PPIP5K1: variants seen among roughly 807,000 people sequenced by gnomAD.
The protein encoded by PPIP5K1 is inositol hexakisphosphate and diphosphoinositol-pentakisphosphate kinase 1.
PPIP5K1 carries 6 observed loss-of-function variants against 27.7 expected under a neutral mutation model. That is an observed-to-expected ratio of 0.22 (90% confidence interval 0.12 to 0.43). PPIP5K1 has a LOEUF of 0.43. Among genes scored for constraint, PPIP5K1 ranks in the 20% least tolerant of loss-of-function variants. The pLI is 1.00. For synonymous variants in PPIP5K1, 145 were observed against 242.6 expected (o/e 0.60, Z 3.74); for missense variants, 394 against 635.4 (o/e 0.62, Z 4.08).
intron 31 of PPIP5K1, among the ~76,000 whole-genome samples, chr15:43,536,560 A>G (rs188453917): frequency 4.7e-4 from 71 of 152,330 alleles, no homozygotes; most frequent in African/African-American, 1.7e-3. Flanking sequence ...AAATCTATAT[A>G]AGAATATTCA....
chr15:43,535,116 T>C lies in PPIP5K1; in HGVS notation c.4031A>G (p.Gln1344Arg). ...QPCQKVPDIS[Q>R]QCQENHDNGN... The stretch of plus-strand genomic sequence containing the variant: ...ATTGTCATGGTTCTCCTGGCATTGC[T>C]GGCTGATGTCAGGGACCTTCTGACA... Residue 1344 changes from glutamine (Q) to arginine (R), a missense_variant, in exon 32 of 32, where the codon CAG becomes CGG. Gln to Arg is a conservative substitution (Grantham distance 43, BLOSUM62 1). Transcript: ENST00000420765. 6 of 1,613,624 alleles carry C rather than the reference T, an allele frequency of 3.7e-6. No individual in the cohort carries two copies. Among genetic ancestry groups the C allele is most frequent in the Non-Finnish European group, 5.1e-6 (6 of 1,179,858 alleles).
chr15:43,581,821 G>T, intron 8 of PPIP5K1, 32 bp downstream of exon 8: 1 of 133,474 alleles, frequency 7.5e-6, no homozygotes. Flanking sequence ...CCACACATTT[G>T]TAACCTCTTA....
intron 29 of PPIP5K1, 81 bp from the exon 30 acceptor site, chr15:43,559,013 T>C (rs1300965852): frequency 7.0e-6 from 11 of 1,563,724 alleles, no homozygotes; most frequent in African/African-American, 1.3e-5. Context: ...GGAGAGTCCC[T>C]GAGAGCCATC....
intron 31 of PPIP5K1, 106 bp downstream of exon 31, chr15:43,539,364 G>A (rs1455123876): frequency 1.2e-6 from 1 of 813,270 alleles, no homozygotes; most frequent in African/African-American, 1.7e-5. Context: ...GATATTCCTG[G>A]TCTTTCAAGC....
At chr15:43,542,974 A>G (rs1040334742) in intron 30 of PPIP5K1, among the ~76,000 whole-genome samples, 3 of 151,960 alleles carry the variant, frequency 2.0e-5, no homozygotes, top group Non-Finnish European at 4.4e-5. Context: ...AATCAACTAC[A>G]TAATTATTCT....
intron 30 of PPIP5K1, among the ~76,000 whole-genome samples, chr15:43,543,461 G>A (rs112088702): frequency 1.3e-5 from 2 of 151,546 alleles, no homozygotes; most frequent in African/African-American, 4.9e-5. Context: ...AAAACTCCTG[G>A]GATGGAGAGT....
At chr15:43,537,798 A>G (rs776560840) in intron 31 of PPIP5K1, among the ~76,000 whole-genome samples, 1 of 150,378 alleles carries the variant, frequency 6.6e-6, no homozygotes, top group Non-Finnish European at 1.5e-5. Flanking sequence ...AGACATACAG[A>G]CCCTAAAGAA....
At chr15:43,545,348 A>G (rs976560621) in intron 30 of PPIP5K1, among the ~76,000 whole-genome samples, 1 of 151,836 alleles carries the variant, frequency 6.6e-6, no homozygotes, top group Non-Finnish European at 1.5e-5. Flanking sequence ...AAACTTTTGG[A>G]TTTTTTCCAA....
chr15:43,551,745 G>A (rs1420048420), intron 30 of PPIP5K1, among the ~76,000 whole-genome samples: 3 of 148,284 alleles, frequency 2.0e-5, no homozygotes, highest in Non-Finnish European at 4.5e-5. Flanking sequence ...TGGGACTACA[G>A]GCGCCCGCCA....
At chr15:43,535,704 T>C (rs1417843085) in intron 31 of PPIP5K1, among the ~76,000 whole-genome samples, 1 of 152,194 alleles carries the variant, frequency 6.6e-6, no homozygotes, top group Non-Finnish European at 1.5e-5. Context: ...CATCTAAGAC[T>C]TCAGGAGAGA....
At chr15:43,561,036 A>AAAGTTC (rs773465999) in intron 28 of PPIP5K1, among the ~76,000 whole-genome samples, 40,529 of 126,600 alleles carry the variant, frequency 0.32, 2,451 homozygotes, top group African/African-American at 0.52. Context: ...ATAAAAATGA[A>AAAGTTC]AAAGTGATGG....
chr15:43,556,749 C>T (rs1027887013), intron 30 of PPIP5K1, among the ~76,000 whole-genome samples: 3 of 152,132 alleles, frequency 2.0e-5, no homozygotes, highest in South Asian at 2.1e-4. Context: ...AGGTCTTCTC[C>T]GCTCCCTCTG....
chr15:43,554,595 C>G (rs1021219403), intron 30 of PPIP5K1, among the ~76,000 whole-genome samples: 5 of 150,476 alleles, frequency 3.3e-5, no homozygotes, highest in Admixed American at 1.3e-4. Flanking sequence ...ATGTGAGACT[C>G]TTCTCAAATA....
rs754512684 is a variant in PPIP5K1 at position 43,534,802 on chromosome 15, T to C, written c.4345A>G (p.Arg1449Gly). The C allele has an allele frequency of 1.9e-6, 3 of 1,603,058 alleles. No homozygotes were observed. The highest frequency in any genetic ancestry group is 2.6e-6 in the Non-Finnish European group (3 of 1,174,596). ...ATCGCAGAAGTCTCCTGGGCCAGCC[T>C]GCCAACCTCCACAGAGAACTCCTGG... ...PYQEFSVEVGRLAQETSAINL... is the reference protein window; with the variant it reads ...PYQEFSVEVGGLAQETSAINL... Residue 1449 changes from arginine to glycine, a missense_variant, in exon 32 of 32, where the codon AGG becomes GGG. By Grantham distance (125) the Arg-to-Gly change is moderately radical (BLOSUM62 -2). Around this residue, in one of 4 missense-constraint regions of PPIP5K1, gnomAD observed 379 missense variants for 423.9 expected, o/e 0.89. Coordinates refer to ENST00000420765, the MANE Select transcript of PPIP5K1 (RefSeq NM_001394395.1).
At chr15:43,544,908 G>A (rs1299762853) in intron 30 of PPIP5K1, among the ~76,000 whole-genome samples, 1 of 152,178 alleles carries the variant, frequency 6.6e-6, no homozygotes, top group Non-Finnish European at 1.5e-5. Context: ...GCCGGGCGTG[G>A]TGGCTCACGC....
chr15:43,557,813 C>T (rs890533136), intron 30 of PPIP5K1, among the ~76,000 whole-genome samples: 6 of 150,282 alleles, frequency 4.0e-5, no homozygotes, highest in Admixed American at 2.7e-4. Context: ...TACAGGCACA[C>T]ACCACCATGC....
At chr15:43,556,790 C>A (rs187297585) in intron 30 of PPIP5K1, among the ~76,000 whole-genome samples, 39 of 152,320 alleles carry the variant, frequency 2.6e-4, no homozygotes, top group African/African-American at 8.9e-4. Flanking sequence ...ACATTGAGAA[C>A]GTGGGCTGTC....
At chr15:43,553,187 G>A (rs1305503564) in intron 30 of PPIP5K1, among the ~76,000 whole-genome samples, 1 of 152,162 alleles carries the variant, frequency 6.6e-6, no homozygotes, top group Non-Finnish European at 1.5e-5. Flanking sequence ...ATAGATACTT[G>A]TTTTGTGGCC....
intron 31 of PPIP5K1, chr15:43,536,283 G>C (rs1003354061): frequency 6.1e-6 from 2 of 325,286 alleles, no homozygotes; most frequent in African/African-American, 4.6e-5. Flanking sequence ...GCCAGGCGTA[G>C]TGGCGGCTGT....
Sources: gnomAD v4.1 joint callset for allele counts (sites outside exome capture counted in the v4.1 genomes callset) on GRCh38, gnomAD v4.1.1 for gene constraint, gnomAD v4.1.1 regional missense constraint, MANE v1.5 for transcripts, NCBI Gene and HGNC (gene_info 2026-07-23, HGNC 2026-07-21) for gene names.